DOCK5: variants seen among roughly 807,000 people sequenced by gnomAD.
The protein encoded by DOCK5 is dedicator of cytokinesis protein 5.
In DOCK5, 142 loss-of-function variants were observed where a neutral mutation model predicts 251.8. That is an observed-to-expected ratio of 0.56 (90% CI 0.49 to 0.65). DOCK5 has a LOEUF of 0.65. DOCK5 is among the 30% of genes least tolerant of loss of function. The probability of loss-of-function intolerance (pLI) is 0.00; values close to 1 mark genes in which losing one functional copy is unlikely to be tolerated. For synonymous variants in DOCK5, 842 were observed against 835.5 expected, an observed-to-expected ratio of 1.01 and a Z score of -0.13; for missense variants, 2,111 against 2,312.3, an observed-to-expected ratio of 0.91 and a Z score of 1.79.
At chr8:25,392,963 A>G in intron 44 of DOCK5, 81 bp downstream of exon 44, 1 of 1,244,068 alleles carries the variant, frequency 8.0e-7, no homozygotes, top group Non-Finnish European at 1.1e-6. Flanking sequence ...TTCCCTCTGC[A>G]GTTCACACCA....
chr8:25,185,426 T>C (rs1348088335), intron 1 of DOCK5, among the ~76,000 whole-genome samples: 2 of 151,538 alleles, frequency 1.3e-5, no homozygotes, highest in Non-Finnish European at 2.9e-5. Context: ...AAGTGAGGAG[T>C]TGAGGGTGGA....
chr8:25,295,135 T>A (rs938054022), intron 6 of DOCK5, among the ~76,000 whole-genome samples: 1 of 152,088 alleles, frequency 6.6e-6, no homozygotes, highest in Non-Finnish European at 1.5e-5. Context: ...ACATGCATTA[T>A]CTTATTAAAT....
At chr8:25,280,823 C>A (rs1215965672) in intron 5 of DOCK5, among the ~76,000 whole-genome samples, 1 of 152,120 alleles carries the variant, frequency 6.6e-6, no homozygotes, top group Non-Finnish European at 1.5e-5. Context: ...AGAGTACTCT[C>A]TGGTTCTGGT....
At chr8:25,372,178 CTAAT>C (rs1800885050) in intron 34 of DOCK5, among the ~76,000 whole-genome samples, 1 of 152,184 alleles carries the variant, frequency 6.6e-6, no homozygotes, top group Non-Finnish European at 1.5e-5. Flanking sequence ...TCTCATACAA[CTAAT>C]TAGAGTCCTC....
chr8:25,321,887 C>T (rs774436469), intron 16 of DOCK5, among the ~76,000 whole-genome samples: 99 of 152,236 alleles, frequency 6.5e-4, no homozygotes, highest in Non-Finnish European at 1.3e-3. Context: ...CCCTCCTAGA[C>T]GTTCACAATG....
At chr8:25,385,330 A>C (rs990456605) in intron 40 of DOCK5, among the ~76,000 whole-genome samples, 1 of 152,214 alleles carries the variant, frequency 6.6e-6, no homozygotes, top group Non-Finnish European at 1.5e-5. Context: ...GCAGATGTTC[A>C]GAAAAGAGAT....
rs1379666110 is a variant in DOCK5 at position 25,342,478 on chromosome 8, T to C, written c.2588T>C (p.Ile863Thr). The C allele has an allele frequency of 8.1e-6, 13 of 1,596,212 alleles. No individual in the cohort carries two copies. The Admixed American group carries it at 8.6e-5, about 11-fold the overall frequency. The part of the protein sequence containing the change: ...VRQKLNCMTK[I>T]VESTLFRQSE... ...CAGAAACTTAACTGCATGACCAAGA[T>C]AGTAGAGAGCACTCTTTTTCGACAG... Residue 863 changes from isoleucine (I) to threonine (T), a missense_variant, in exon 25 of 52, where the codon ATA becomes ACA. Physicochemically the swap from Ile to Thr is moderately conservative, Grantham distance 89. Around this residue, in one of 3 missense-constraint regions of DOCK5, gnomAD observed 1,717 missense variants for 1,892.4 expected, o/e 0.91. Transcript: ENST00000276440.
chr8:25,311,808 G>A (rs2117184199), intron 13 of DOCK5, among the ~76,000 whole-genome samples: 1 of 151,702 alleles, frequency 6.6e-6, no homozygotes, highest in Admixed American at 6.6e-5. Flanking sequence ...TGTAGTCCCA[G>A]CTACTCAGGA....
Position 25,292,071 on chromosome 8 carries a change from C to T in DOCK5, c.369C>T (p.Ser123=). The change falls in exon 6 of 52, where the codon AGC becomes AGT. Residue 123 remains serine (S), a synonymous_variant. Transcript: ENST00000276440. ...LFRQLQQMTY[S]LIEWRSQILS... Reference sequence around the variant, plus strand: ...GCCAGCTGCAGCAGATGACGTACAGCCTGATCGAGTGGCGGTCCCAGATCC... The same window carrying T: ...GCCAGCTGCAGCAGATGACGTACAGTCTGATCGAGTGGCGGTCCCAGATCC... 6.2e-7 allele frequency: 1 copy of T among 1,603,850 alleles called. No individual in the cohort carries two copies. The highest frequency in any genetic ancestry group is 8.5e-7 in the Non-Finnish European group (1 of 1,175,174).
chr8:25,381,250 G>A (rs1801062368), intron 39 of DOCK5, among the ~76,000 whole-genome samples: 2 of 152,314 alleles, frequency 1.3e-5, no homozygotes, highest in South Asian at 4.1e-4. Context: ...GAGGAGCTGG[G>A]TGTCAAGATC....
intron 2 of DOCK5, among the ~76,000 whole-genome samples, chr8:25,265,539 C>T (rs892216281): frequency 4.0e-5 from 6 of 151,812 alleles, no homozygotes. Flanking sequence ...GCCATGTTAC[C>T]AACCATTCTC....
At chr8:25,199,780 A>G (rs1347752272) in intron 1 of DOCK5, among the ~76,000 whole-genome samples, 1 of 152,234 alleles carries the variant, frequency 6.6e-6, no homozygotes, top group Non-Finnish European at 1.5e-5. Context: ...GTCATTCTCC[A>G]TCGGGAGCAA....
At chr8:25,253,485 C>G (rs7004929) in intron 2 of DOCK5, among the ~76,000 whole-genome samples, 30,208 of 152,062 alleles carry the variant, frequency 0.2, 3,596 homozygotes, top group African/African-American at 0.32. Flanking sequence ...GTAGCATTCA[C>G]ATTATTTGGT....
chr8:25,346,558 G>GCCCGCA (rs142751854), intron 26 of DOCK5, among the ~76,000 whole-genome samples: 1 of 144,830 alleles, frequency 6.9e-6, no homozygotes, highest in Admixed American at 6.8e-5. Flanking sequence ...GGGCGTGGTG[G>GCCCGCA]CTCACGCCTG....
In DOCK5 at chr8:25,390,068, T is replaced by A. The variant is rs1024344967; in HGVS notation, c.4274-138T>A. On this transcript the variant is annotated intron_variant, in intron 41 of 51. Coordinates refer to ENST00000276440, the MANE Select transcript of DOCK5 (RefSeq NM_024940.8). ...TACACAAAGGAACTCCCATTTTCAG[T>A]GTGGTCCTGGCATTGGGGTCAAAGG... The A allele has an allele frequency of 1.4e-5, 8 of 568,084 alleles. No homozygotes were observed. The African/African-American group carries it at 1.5e-4, about 11-fold the overall frequency. 35.2% of individuals were successfully genotyped at this position (568,084 alleles called of 1,614,324 possible). A position where few individuals can be genotyped will look rare whatever the true frequency, so the allele number is the denominator to read the frequency against.
chr8:25,372,644 C>A lies in DOCK5; in HGVS notation c.3610C>A (p.Leu1204Met). 6.2e-7 allele frequency: 1 copy of A among 1,610,884 alleles called. No individual in the cohort carries two copies. Residue 1204 changes from leucine (L) to methionine (M), a missense_variant, in exon 35 of 52, where the codon CTG becomes ATG. Leu to Met is a conservative substitution (Grantham distance 15). Transcript: ENST00000276440. ...ALLVSSLLENLLDYRTIIMQD... is the reference protein window; with the variant it reads ...ALLVSSLLENMLDYRTIIMQD... The stretch of plus-strand genomic sequence containing the variant: ...CCTGGTCAGCAGCCTCTTAGAGAAC[C>A]TGCTGGACTATAGAACCATCATCAT...
At chr8:25,231,818 G>A (rs934738532) in intron 1 of DOCK5, among the ~76,000 whole-genome samples, 13 of 152,106 alleles carry the variant, frequency 8.5e-5, no homozygotes, top group African/African-American at 2.9e-4. Context: ...TTTTCTAGAT[G>A]TGTATGATGG....
At chr8:25,324,370 G>T (rs1422534942) in intron 17 of DOCK5, among the ~76,000 whole-genome samples, 1 of 152,180 alleles carries the variant, frequency 6.6e-6, no homozygotes, top group Non-Finnish European at 1.5e-5. Flanking sequence ...CTATTTCTGT[G>T]CTCTGGGGGC....
At chr8:25,309,054 C>G in intron 12 of DOCK5, 129 bp downstream of exon 12, 1 of 1,230,316 alleles carries the variant, frequency 8.1e-7, no homozygotes, top group Non-Finnish European at 1.1e-6. Context: ...GACCATCCCC[C>G]TCAGCTTCCA....
Sources: gnomAD v4.1 joint callset for allele counts (sites outside exome capture counted in the v4.1 genomes callset) on GRCh38, gnomAD v4.1.1 for gene constraint, gnomAD v4.1.1 regional missense constraint, MANE v1.5 for transcripts, NCBI Gene and HGNC (gene_info 2026-07-23, HGNC 2026-07-21) for gene names.